The following CCN5 variants were observed in gnomAD, a reference collection of about 807,000 sequenced individuals.
CCN5 encodes the protein CCN family member 5.
A neutral mutation model predicts 18.7 loss-of-function variants in CCN5; 17 were observed. That is an observed-to-expected ratio of 0.91 (90% CI 0.62 to 1.36). The LOEUF is 1.36. Ranked by LOEUF, CCN5 falls within the 40% of genes most tolerant of loss-of-function variation. The pLI is 0.00. For synonymous variants in CCN5, 135 were observed against 145.2 expected, an observed-to-expected ratio of 0.93 and a Z score of 0.50; for missense variants, 367 against 342.9, an observed-to-expected ratio of 1.07 and a Z score of -0.56.
Position 44,727,240 on chromosome 20 carries a change from G to A in CCN5, c.686G>A (p.Arg229His), listed in dbSNP as rs757249082. The change falls in exon 4 of 4, where the codon CGC (arginine) becomes CAC (histidine). Residue 229 changes from arginine to histidine, a missense_variant. Transcript: ENST00000190983. ...QNRFCRLETQ[R>H]RLCLSRPCPP... ...CGCTTCTGCCGACTGGAGACCCAGC[G>A]CCGCCTGTGCCTGTCCAGGCCCTGC... 16 of 1,613,422 alleles carry A rather than the reference G, an allele frequency of 9.9e-6. No homozygotes were observed. Among genetic ancestry groups the A allele is most frequent in the African/African-American group, 5.3e-5 (4 of 74,902 alleles).
In CCN5 at chr20:44,715,410, C is replaced by T. The variant is rs770917724; in HGVS notation, c.20C>T (p.Thr7Ile). Residue 7 changes from threonine (T) to isoleucine (I), a missense_variant, in exon 1 of 4, where the codon ACC (threonine) becomes ATC (isoleucine). By Grantham distance (89) the Thr-to-Ile change is moderately conservative (BLOSUM62 -1). Coordinates refer to ENST00000190983, the MANE Select transcript of CCN5 (RefSeq NM_003881.4). ...GGGGACATGAGAGGCACACCGAAGACCCACCTCCTGGCCTTCTCCCTCCTC... is the reference window on the plus strand; with the variant it reads ...GGGGACATGAGAGGCACACCGAAGATCCACCTCCTGGCCTTCTCCCTCCTC... MRGTPK[T>I]HLLAFSLLCL... is the part of the protein sequence containing the mutation. 6.2e-7 allele frequency: 1 copy of T among 1,603,798 alleles called. No homozygotes were observed. Among genetic ancestry groups the T allele is most frequent in the Non-Finnish European group, 8.5e-7 (1 of 1,175,538 alleles).
At chr20:44,722,632 A>T (rs1009197739) in intron 2 of CCN5, among the ~76,000 whole-genome samples, 1 of 151,546 alleles carries the variant, frequency 6.6e-6, no homozygotes, top group African/African-American at 2.4e-5. Flanking sequence ...ATGCCTCGCT[A>T]ATTTTTGTAT....
At chr20:44,724,604 T>C (rs757653121) in intron 2 of CCN5, 134 bp from the exon 3 acceptor site, 49 of 1,400,266 alleles carry the variant, frequency 3.5e-5, no homozygotes, top group Admixed American at 2.5e-4. Context: ...GAGGTGCATA[T>C]CCTGGGCTGG....
intron 1 of CCN5, among the ~76,000 whole-genome samples, chr20:44,718,791 T>G (rs902627836): frequency 6.6e-6 from 1 of 152,170 alleles, no homozygotes; most frequent in East Asian, 1.9e-4. Flanking sequence ...CATCCGTACC[T>G]GGCAGGGGGA....
intron 1 of CCN5, among the ~76,000 whole-genome samples, chr20:44,717,885 GAAAA>G (rs60571299): frequency 5.5e-5 from 5 of 90,208 alleles, no homozygotes; most frequent in African/African-American, 2.2e-4. Context: ...TCTCAAAAAA[GAAAA>G]AAAAAAAAAA....
intron 2 of CCN5, chr20:44,720,411 C>T (rs951555540): frequency 4.2e-6 from 2 of 473,116 alleles, no homozygotes; most frequent in East Asian, 4.2e-5. Flanking sequence ...GAAGCCCCCC[C>T]AGATTCTTCA....
upstream of CCN5, chr20:44,715,258 TGTGAGCGCGC>T (rs1226411168): frequency 7.6e-5 from 23 of 302,882 alleles, no homozygotes; most frequent in Admixed American, 5.0e-4. Flanking sequence ...TGTGTGTGTG[TGTGAGCGCGC>T]GCGCGCGCGC....
chr20:44,715,946 C>T (rs557866603), intron 1 of CCN5, among the ~76,000 whole-genome samples: 3 of 152,322 alleles, frequency 2.0e-5, no homozygotes, highest in Non-Finnish European at 2.9e-5. Flanking sequence ...TAGAGGGGAA[C>T]AGGAGACACC....
rs2145420090 is a variant in CCN5, at chr20:44,724,871, T to C, written c.411T>C (p.Asp137=). ...CCTGCGTGCCGCTGTGCAGCGAGGA[T>C]GTGCGGCTGCCCAGCTGGGACTGCC... ...GFTCVPLCSE[D]VRLPSWDCPH... is the part of the protein sequence containing the mutation. Residue 137 remains aspartate (D), a synonymous_variant, in exon 3 of 4, where the codon GAT becomes GAC. Coordinates refer to ENST00000190983, the MANE Select transcript of CCN5 (RefSeq NM_003881.4). 1.3e-6 allele frequency: 2 copies of C among 1,595,526 alleles called. No homozygotes were observed. Among genetic ancestry groups the C allele is most frequent in the South Asian group, 1.1e-5 (1 of 88,290 alleles).
Position 44,727,296 on chromosome 20 carries a change from A to G in CCN5, c.742A>G (p.Ser248Gly). 1 of 1,609,948 alleles carries G rather than the reference A, an allele frequency of 6.2e-7. No individual in the cohort carries two copies. Among genetic ancestry groups the G allele is most frequent in the African/African-American group, 1.3e-5 (1 of 74,950 alleles). Residue 248 changes from serine (S) to glycine (G), a missense_variant, in exon 4 of 4, where the codon AGT becomes GGT. Ser to Gly is a moderately conservative substitution (Grantham distance 56). Coordinates refer to ENST00000190983, the MANE Select transcript of CCN5 (RefSeq NM_003881.4). ...CTCCAGGGGTCGCAGTCCACAAAAC[A>G]GTGCCTTCTAGAGCCGGGCTGGGAA... Reference protein sequence around the residue: ...PPSRGRSPQNSAF With the variant: ...PPSRGRSPQNGAF
At chr20:44,725,132 G>C (rs1392162620) in intron 3 of CCN5, 140 bp downstream of exon 3, 1 of 1,231,976 alleles carries the variant, frequency 8.1e-7, no homozygotes, top group South Asian at 1.9e-5. Context: ...AGGCTGAGGA[G>C]GGAGATAAGA....
At chr20:44,716,351 C>G (rs540500814) in intron 1 of CCN5, among the ~76,000 whole-genome samples, 1 of 152,212 alleles carries the variant, frequency 6.6e-6, no homozygotes, top group Non-Finnish European at 1.5e-5. Flanking sequence ...CCACAAGCCA[C>G]GATCTCACTG....
chr20:44,716,236 C>G (rs1168142206), intron 1 of CCN5, among the ~76,000 whole-genome samples: 1 of 152,208 alleles, frequency 6.6e-6, no homozygotes, highest in African/African-American at 2.4e-5. Flanking sequence ...GAGAAGCACT[C>G]CAGTCTGTGC....
At position 44,727,103 on chromosome 20, in the gene CCN5, C is replaced by T; in HGVS notation, c.549C>T (p.Gly183=). 1 of 1,594,082 alleles carries T rather than the reference C, an allele frequency of 6.3e-7. No homozygotes were observed. Among genetic ancestry groups the T allele is most frequent in the African/African-American group, 1.3e-5 (1 of 74,656 alleles). ...PLPAQGPQFS[G]LVSSLPPGVP... ...CCCCCCTAGGACCCCAGTTTTCTGG[C>T]CTTGTCTCTTCCCTGCCCCCTGGTG... The change falls in exon 4 of 4, where the codon GGC becomes GGT. Residue 183 remains glycine (G), a synonymous_variant. Coordinates refer to ENST00000190983, the MANE Select transcript of CCN5 (RefSeq NM_003881.4).
chr20:44,718,248 T>TGCC (rs1201956240), intron 1 of CCN5, among the ~76,000 whole-genome samples: 1 of 152,104 alleles, frequency 6.6e-6, no homozygotes, highest in Non-Finnish European at 1.5e-5. Flanking sequence ...GCGTGGGAGT[T>TGCC]GCCGGGAACT....
At position 44,727,117 on chromosome 20, in the gene CCN5, T is replaced by C; in HGVS notation, c.563T>C (p.Leu188Pro). ...GPQFSGLVSSLPPGVPCPEWS... is the reference protein window; with the variant it reads ...GPQFSGLVSSPPPGVPCPEWS... ...CAGTTTTCTGGCCTTGTCTCTTCCC[T>C]GCCCCCTGGTGTCCCCTGCCCAGAA... Residue 188 changes from leucine (L) to proline (P), a missense_variant, in exon 4 of 4, where the codon CTG becomes CCG. Transcript: ENST00000190983. 6.2e-7 allele frequency: 1 copy of C among 1,604,698 alleles called. No homozygotes were observed. The highest frequency in any genetic ancestry group is 8.5e-7 in the Non-Finnish European group (1 of 1,174,286).
chr20:44,723,912 A>T (rs7267879), intron 2 of CCN5: 1 of 152,300 alleles, frequency 6.6e-6, no homozygotes, highest in East Asian at 1.9e-4. Flanking sequence ...TTCCTACAGT[A>T]CTGTGTGTCG....
chr20:44,718,301 G>A (rs890718013), intron 1 of CCN5, among the ~76,000 whole-genome samples: 6 of 152,204 alleles, frequency 3.9e-5, no homozygotes, highest in Non-Finnish European at 4.4e-5. Context: ...GGCACTGGGC[G>A]GGGCAGAGGG....
intron 2 of CCN5, 148 bp downstream of exon 2, chr20:44,720,261 C>A: frequency 1.2e-6 from 1 of 829,282 alleles, no homozygotes; most frequent in Non-Finnish European, 1.9e-6. Flanking sequence ...CTTGGTGTCC[C>A]AAAGCCCACT....
Sources: allele counts gnomAD v4.1 joint callset (sites outside exome capture counted in the v4.1 genomes callset), GRCh38; gene constraint gnomAD v4.1.1; transcripts MANE v1.5; gene names NCBI Gene and HGNC (gene_info 2026-07-23, HGNC 2026-07-21).